Variants in ADORA2B observed in about 807,000 individuals in gnomAD.
The protein encoded by ADORA2B is adenosine A2b receptor.
ADORA2B carries 18 observed loss-of-function variants against 20.8 expected under a neutral mutation model. The ratio of observed to expected loss-of-function variants is 0.87; its 90% confidence interval spans 0.60 to 1.29. ADORA2B has a LOEUF of 1.29. Among genes scored for constraint, ADORA2B ranks in the 50% most tolerant of loss-of-function variants. The pLI is 0.00. For synonymous variants in ADORA2B, 179 were observed against 178.3 expected, an observed-to-expected ratio of 1.00 and a Z score of -0.03; for missense variants, 441 against 422.7, an observed-to-expected ratio of 1.04 and a Z score of -0.38.
At chr17:15,886,422 C>T in the ADORA2B span, among the ~76,000 whole-genome samples, 2 of 129,898 alleles carry the variant, frequency 1.5e-5, no homozygotes, top group Non-Finnish European at 3.3e-5. Context: ...TTTGTGTGGA[C>T]TCTACTCCCA....
the ADORA2B span, among the ~76,000 whole-genome samples, chr17:15,905,276 G>A: frequency 7.5e-6 from 1 of 132,474 alleles, no homozygotes; most frequent in Admixed American, 7.4e-5. Context: ...TAGTTGTTTT[G>A]TTGTTGTTGG....
chr17:15,857,506 C>T, the ADORA2B span, among the ~76,000 whole-genome samples: 2 of 152,148 alleles, frequency 1.3e-5, no homozygotes, highest in Non-Finnish European at 2.9e-5. Context: ...CACTCAACAC[C>T]AGCCCGTGAA....
chr17:15,953,638 C>G (rs1969933118), intron 1 of ADORA2B, among the ~76,000 whole-genome samples: 1 of 150,044 alleles, frequency 6.7e-6, no homozygotes, highest in Non-Finnish European at 1.5e-5. Flanking sequence ...GCCTGTGTTT[C>G]TGTCAAGTGG....
At chr17:15,926,318 A>T in the ADORA2B span, among the ~76,000 whole-genome samples, 87 of 152,000 alleles carry the variant, frequency 5.7e-4, no homozygotes, top group South Asian at 1.3e-3. Flanking sequence ...AATACACAAG[A>T]TGACAGGTGT....
In ADORA2B at chr17:15,975,310, G is replaced by C. The variant is rs766049607; in HGVS notation, c.967G>C (p.Gly323Arg). ...ADVKSGNGQA[G>R]VQPALGVGL ...TGTCAAGAGTGGGAATGGTCAGGCT[G>C]GGGTACAGCCTGCTCTCGGTGTGGG... Residue 323 changes from glycine (G) to arginine (R), a missense_variant, in exon 2 of 2, where the codon GGG becomes CGG. Physicochemically the swap from Gly to Arg is moderately radical, Grantham distance 125. Transcript: ENST00000304222. 3.7e-6 allele frequency: 6 copies of C among 1,613,014 alleles called. No individual in the cohort carries two copies. The East Asian group carries it at 1.3e-4, about 36-fold the overall frequency.
chr17:15,927,841 G>C, the ADORA2B span, among the ~76,000 whole-genome samples: 1 of 152,168 alleles, frequency 6.6e-6, no homozygotes, highest in Non-Finnish European at 1.5e-5. Context: ...TCAAGAGTCA[G>C]GCGCAAGGTG....
At chr17:15,969,270 G>A (rs1174995532) in intron 1 of ADORA2B, among the ~76,000 whole-genome samples, 1 of 152,008 alleles carries the variant, frequency 6.6e-6, no homozygotes, top group East Asian at 1.9e-4. Flanking sequence ...CTAACACAGT[G>A]AAAACCCATC....
the ADORA2B span, among the ~76,000 whole-genome samples, chr17:15,896,862 T>C: frequency 2.0e-5 from 3 of 152,200 alleles, no homozygotes; most frequent in African/African-American, 7.2e-5. Flanking sequence ...CTCCCCAGGT[T>C]CCTCTGGCTC....
chr17:15,874,504 AT>A, the ADORA2B span, among the ~76,000 whole-genome samples: 1 of 151,860 alleles, frequency 6.6e-6, no homozygotes, highest in Non-Finnish European at 1.5e-5. Flanking sequence ...CCTGGGCAAC[AT>A]CATGAGACCC....
chr17:15,861,675 C>T, the ADORA2B span, among the ~76,000 whole-genome samples: 1 of 152,200 alleles, frequency 6.6e-6, no homozygotes, highest in African/African-American at 2.4e-5. Context: ...TGGCAGAGGG[C>T]AGGACTGCAA....
the ADORA2B span, chr17:15,858,816 C>T: frequency 1.1e-4 from 17 of 156,060 alleles, no homozygotes; most frequent in South Asian, 3.0e-3. Context: ...CTTCCCCTTA[C>T]AGGTAAATTA....
the ADORA2B span, among the ~76,000 whole-genome samples, chr17:15,928,471 G>A: frequency 3.3e-5 from 5 of 152,150 alleles, no homozygotes; most frequent in African/African-American, 1.2e-4. Context: ...CTGAGCATGG[G>A]GAGGCTGGCG....
the ADORA2B span, among the ~76,000 whole-genome samples, chr17:15,919,524 G>T: frequency 6.6e-6 from 1 of 152,216 alleles, no homozygotes; most frequent in East Asian, 1.9e-4. Flanking sequence ...TCATTTTGGG[G>T]TGAATGTCTG....
chr17:15,971,482 G>A (rs753346319), intron 1 of ADORA2B, among the ~76,000 whole-genome samples: 35 of 152,222 alleles, frequency 2.3e-4, no homozygotes, highest in Non-Finnish European at 3.8e-4. Flanking sequence ...TAAATTATGA[G>A]GCAAGACCTC....
chr17:15,970,757 G>A (rs896082532), intron 1 of ADORA2B, among the ~76,000 whole-genome samples: 2 of 152,200 alleles, frequency 1.3e-5, no homozygotes, highest in South Asian at 4.1e-4. Flanking sequence ...TCTAGGGTTA[G>A]TCAGGTGGTT....
At chr17:15,865,930 G>A in the ADORA2B span, among the ~76,000 whole-genome samples, 2 of 149,782 alleles carry the variant, frequency 1.3e-5, no homozygotes, top group Non-Finnish European at 3.0e-5. Flanking sequence ...CAGAGGGAGG[G>A]GAGCTTTTTT....
chr17:15,869,339 AATT>A, the ADORA2B span, among the ~76,000 whole-genome samples: 5 of 143,810 alleles, frequency 3.5e-5, no homozygotes, highest in African/African-American at 7.8e-5. Context: ...TAATAATAAT[AATT>A]ATTATTATTA....
rs1490559367 is a variant in ADORA2B, at chr17:15,975,325, C to G, written c.982C>G (p.Leu328Val). The change falls in exon 2 of 2, where the codon CTC becomes GTC. Residue 328 changes from leucine to valine, a missense_variant. By Grantham distance (32) the Leu-to-Val change is conservative. Coordinates refer to ENST00000304222, the MANE Select transcript of ADORA2B (RefSeq NM_000676.4). ...GNGQAGVQPA[L>V]GVGL is the part of the protein sequence containing the mutation. ...TGGTCAGGCTGGGGTACAGCCTGCT[C>G]TCGGTGTGGGCCTATGATCTAGGCT... is the stretch of plus-strand genomic sequence containing the variant. 2 of 1,611,822 alleles carry G rather than the reference C, an allele frequency of 1.2e-6. No homozygotes were observed. Among genetic ancestry groups the G allele is most frequent in the African/African-American group, 2.7e-5 (2 of 74,924 alleles).
chr17:15,966,172 A>T (rs1239425880), intron 1 of ADORA2B, among the ~76,000 whole-genome samples: 2 of 152,252 alleles, frequency 1.3e-5, no homozygotes, highest in African/African-American at 2.4e-5. Flanking sequence ...TGTGAGCTAG[A>T]TAGACTATAA....
Sources: gnomAD v4.1 joint callset for allele counts (sites outside exome capture counted in the v4.1 genomes callset) on GRCh38, gnomAD v4.1.1 for gene constraint, MANE v1.5 for transcripts, NCBI Gene and HGNC (gene_info 2026-07-23, HGNC 2026-07-21) for gene names.